GRM5: variants seen among roughly 807,000 people sequenced by gnomAD.
The protein encoded by GRM5 is glutamate metabotropic receptor 5.
Under a neutral mutation model 83.1 loss-of-function variants are expected in GRM5, and 19 were observed. That is an observed-to-expected ratio of 0.23 (90% CI 0.16 to 0.34). The LOEUF is 0.34. Ranked by LOEUF, GRM5 falls within the 10% of genes least tolerant of loss-of-function variation. The pLI is 1.00. For missense variants in GRM5, 1,160 were observed against 1,588.3 expected, an observed-to-expected ratio of 0.73 and a Z score of 4.58; for synonymous variants, 675 against 633.6, an observed-to-expected ratio of 1.07 and a Z score of -0.98.
intron 2 of GRM5, among the ~76,000 whole-genome samples, chr11:88,888,388 G>A (rs560850921): frequency 1.3e-5 from 2 of 152,162 alleles, no homozygotes; most frequent in South Asian, 4.1e-4. Flanking sequence ...AGAAAGTGAA[G>A]AAACAGGGGA....
At chr11:88,862,447 T>C (rs1944581869) in intron 2 of GRM5, among the ~76,000 whole-genome samples, 1 of 152,102 alleles carries the variant, frequency 6.6e-6, no homozygotes, top group Admixed American at 6.6e-5. Context: ...ACATGCAGAG[T>C]AAATGAATAA....
intron 3 of GRM5, among the ~76,000 whole-genome samples, chr11:88,761,661 C>A (rs562092687): frequency 6.6e-6 from 1 of 151,932 alleles, no homozygotes. Context: ...CTATTCCTAT[C>A]AAACTATCAA....
At chr11:88,755,444 G>A (rs758108172) in intron 3 of GRM5, among the ~76,000 whole-genome samples, 33 of 151,976 alleles carry the variant, frequency 2.2e-4, no homozygotes, top group Admixed American at 3.9e-4. Context: ...TCATATGGTA[G>A]GAAAAAATTG....
chr11:89,061,237 T>C (rs191864269), intron 1 of GRM5, among the ~76,000 whole-genome samples: 1 of 152,284 alleles, frequency 6.6e-6, no homozygotes, highest in African/African-American at 2.4e-5. Context: ...CATTTGTATA[T>C]AGCTCTGTCT....
intron 7 of GRM5, among the ~76,000 whole-genome samples, chr11:88,580,055 T>C (rs544716111): frequency 1.3e-5 from 2 of 152,322 alleles, no homozygotes; most frequent in Admixed American, 1.3e-4. Flanking sequence ...AAGACGTCAG[T>C]AGATTGACTC....
Position 88,885,358 on chromosome 11 carries a change from G to T in GRM5, c.662-35203C>A, listed in dbSNP as rs188115143. ...TTCCACTTAAATTTCATTATAATTAGAAATCCTTCTATAGAAAAATCCATT... is the reference window on the plus strand; with the variant it reads ...TTCCACTTAAATTTCATTATAATTATAAATCCTTCTATAGAAAAATCCATT... On this transcript the variant is annotated intron_variant, in intron 2 of 9. Transcript: ENST00000305447. Among the ~76,000 whole-genome samples, 97 of 144,796 alleles carry T rather than the reference G, an allele frequency of 6.7e-4. No homozygotes were observed. The East Asian group carries it at 0.018, about 26-fold the overall frequency. 95.0% of individuals were successfully genotyped at this position (144,796 alleles called of 152,430 possible).
rs368417513 is a variant in GRM5, at chr11:88,605,843, T to G, written c.1148-879A>C. On this transcript the variant is annotated intron_variant, in intron 4 of 9. Coordinates refer to ENST00000305447, the MANE Select transcript of GRM5 (RefSeq NM_001143831.3). The stretch of plus-strand genomic sequence containing the variant: ...AAGTATGGACTTAGTGCCTGTTATT[T>G]CTAACTGCTCAGAACTTGCTCCGAG... Among the ~76,000 whole-genome samples the G allele has an allele frequency of 2.6e-4, 39 of 152,352 alleles. 1 individual carries two copies. The highest frequency in any genetic ancestry group is 9.1e-4 in the African/African-American group (38 of 41,592).
At chr11:88,670,499 G>C (rs1356258981) in intron 3 of GRM5, among the ~76,000 whole-genome samples, 1 of 151,676 alleles carries the variant, frequency 6.6e-6, no homozygotes, top group Non-Finnish European at 1.5e-5. Context: ...ATGTGTGTGT[G>C]TGTGTTGTGT....
intron 3 of GRM5, among the ~76,000 whole-genome samples, chr11:88,779,286 T>C (rs977829096): frequency 2.0e-5 from 3 of 152,208 alleles, no homozygotes; most frequent in African/African-American, 7.2e-5. Context: ...TGTTTGGGAT[T>C]AGTAAGAAGT....
chr11:88,613,481 C>T (rs558860325), intron 4 of GRM5, among the ~76,000 whole-genome samples: 3 of 152,132 alleles, frequency 2.0e-5, no homozygotes, highest in East Asian at 1.9e-4. Context: ...AAAAAATTAT[C>T]GTTGGTTTAT....
chr11:88,805,149 T>A (rs1044846227), intron 3 of GRM5, among the ~76,000 whole-genome samples: 4 of 152,150 alleles, frequency 2.6e-5, no homozygotes, highest in Non-Finnish European at 5.9e-5. Flanking sequence ...ATGCATCAAC[T>A]CATGAGTGCT....
chr11:88,617,463 C>G (rs1308056252), intron 4 of GRM5, among the ~76,000 whole-genome samples: 1 of 152,182 alleles, frequency 6.6e-6, no homozygotes, highest in Non-Finnish European at 1.5e-5. Flanking sequence ...AATCGTGGAA[C>G]TGTGCACCAG....
At chr11:89,004,633 C>G (rs759630057) in intron 2 of GRM5, among the ~76,000 whole-genome samples, 3 of 152,138 alleles carry the variant, frequency 2.0e-5, no homozygotes, top group Non-Finnish European at 4.4e-5. Context: ...AAGGTAAGAT[C>G]TAAATAGTTC....
intron 2 of GRM5, among the ~76,000 whole-genome samples, chr11:88,869,159 CTGTAATTCTGCCCAAGCCTCCAG>C (rs1308399830): frequency 6.6e-6 from 1 of 151,618 alleles, no homozygotes; most frequent in Non-Finnish European, 1.5e-5. Context: ...CTCAAGATAT[CTGTAATTCTGCCCAAGCCTCCAG>C]GGGACACTTC....
intron 6 of GRM5, 71 bp downstream of exon 6, chr11:88,597,112 TA>T: frequency 1.0e-6 from 1 of 978,496 alleles, no homozygotes; most frequent in Non-Finnish European, 1.5e-6. Flanking sequence ...CTAAAATTTT[TA>T]AAAATAGCCA....
At chr11:88,608,155 T>C (rs1938211491) in intron 4 of GRM5, among the ~76,000 whole-genome samples, 2 of 152,192 alleles carry the variant, frequency 1.3e-5, no homozygotes, top group African/African-American at 4.8e-5. Flanking sequence ...GTCCTAGGCT[T>C]CTGATGTTTT....
At chr11:88,900,616 A>C (rs1265925826) in intron 2 of GRM5, among the ~76,000 whole-genome samples, 1 of 152,152 alleles carries the variant, frequency 6.6e-6, no homozygotes, top group Non-Finnish European at 1.5e-5. Context: ...TTCTGTATGG[A>C]ACTCATATTA....
At chr11:88,875,581 AT>A (rs1944839703) in intron 2 of GRM5, among the ~76,000 whole-genome samples, 3 of 152,048 alleles carry the variant, frequency 2.0e-5, no homozygotes, top group South Asian at 2.1e-4. Context: ...GAGATTTTCA[AT>A]TTACTTTGCA....
intron 8 of GRM5, among the ~76,000 whole-genome samples, chr11:88,556,802 C>T (rs923191785): frequency 6.6e-6 from 1 of 152,048 alleles, no homozygotes; most frequent in African/African-American, 2.4e-5. Context: ...GGCTCACTTC[C>T]CTATACCACA....
Sources: allele counts gnomAD v4.1 joint callset (sites outside exome capture counted in the v4.1 genomes callset), GRCh38; gene constraint gnomAD v4.1.1; transcripts MANE v1.5; gene names NCBI Gene and HGNC (gene_info 2026-07-23, HGNC 2026-07-21).